Variants in LSAMP observed in about 807,000 individuals in gnomAD.
LSAMP encodes the protein limbic system associated membrane protein, also known as limbic system-associated membrane protein.
LSAMP carries 7 observed loss-of-function variants against 38.6 expected under a neutral mutation model. That is an observed-to-expected ratio of 0.18 (90% CI 0.10 to 0.34). The LOEUF (loss-of-function observed/expected upper bound fraction) is 0.34, where lower values mean the gene tolerates loss of function less well. LSAMP is among the 10% of genes least tolerant of loss of function. The pLI, the probability that LSAMP is intolerant of heterozygous loss-of-function variation, is 1.00. For missense variants in LSAMP, 313 were observed against 420.0 expected (o/e 0.75, Z 2.23); for synonymous variants, 154 against 166.8 (o/e 0.92, Z 0.59).
At chr3:115,914,787 T>C (rs1212635201) in intron 3 of LSAMP, among the ~76,000 whole-genome samples, 1 of 152,214 alleles carries the variant, frequency 6.6e-6, no homozygotes, top group East Asian at 1.9e-4. Flanking sequence ...CTACCTGTTG[T>C]GTCAGGAAGA....
chr3:116,206,154 T>G (rs1360612999), intron 1 of LSAMP, among the ~76,000 whole-genome samples: 4 of 150,120 alleles, frequency 2.7e-5, no homozygotes, highest in Non-Finnish European at 6.0e-5. Context: ...GTTGAGGAAT[T>G]TATCCATTTC....
chr3:116,120,292 G>T (rs992271185), intron 1 of LSAMP, among the ~76,000 whole-genome samples: 2 of 152,066 alleles, frequency 1.3e-5, no homozygotes, highest in East Asian at 1.9e-4. Context: ...AATTTACGGC[G>T]TAAGACATAA....
At chr3:116,071,711 T>G (rs763713677) in intron 2 of LSAMP, among the ~76,000 whole-genome samples, 41 of 152,158 alleles carry the variant, frequency 2.7e-4, no homozygotes, top group Non-Finnish European at 4.6e-4. Context: ...GGTATTAAGC[T>G]CAGCATCCAT....
chr3:116,247,711 A>G (rs2046622118), intron 1 of LSAMP, among the ~76,000 whole-genome samples: 1 of 152,224 alleles, frequency 6.6e-6, no homozygotes, highest in South Asian at 2.1e-4. Flanking sequence ...GGAACCAAGT[A>G]TGGAACTCAG....
intron 3 of LSAMP, among the ~76,000 whole-genome samples, chr3:115,950,798 CAAAAAAAAAAAAAAAA>C (rs56179163): frequency 6.9e-5 from 6 of 86,726 alleles, no homozygotes; most frequent in Non-Finnish European, 8.5e-5. Context: ...CAAGACTTAG[CAAAAAAAAAAAAAAAA>C]AAAAAAAAAA....
intron 1 of LSAMP, among the ~76,000 whole-genome samples, chr3:116,155,896 C>T (rs1709736043): frequency 6.6e-6 from 1 of 152,084 alleles, no homozygotes; most frequent in South Asian, 2.1e-4. Context: ...CCATGATGCC[C>T]ACAGTAATTG....
At chr3:116,092,089 T>G (rs577430659) in intron 1 of LSAMP, among the ~76,000 whole-genome samples, 65 of 152,136 alleles carry the variant, frequency 4.3e-4, no homozygotes, top group East Asian at 1.7e-3. Context: ...AAATACCATG[T>G]GCATAAATAC....
intron 1 of LSAMP, among the ~76,000 whole-genome samples, chr3:116,123,589 T>A (rs1708937218): frequency 6.6e-6 from 1 of 152,206 alleles, no homozygotes; most frequent in South Asian, 2.1e-4. Flanking sequence ...TTCCTTTACA[T>A]CTTTCATTAA....
rs1933632287 is a variant in LSAMP, at chr3:115,806,434, C to T, written c.*3883G>A. Reference sequence around the variant, plus strand: ...ATAGAAACAGTGAAACCACAACCAACTCAGGGATGGAATCTGCGACTCTGG... The same window carrying T: ...ATAGAAACAGTGAAACCACAACCAATTCAGGGATGGAATCTGCGACTCTGG... On this transcript the variant is annotated 3_prime_UTR_variant, in exon 7 of 7. Transcript: ENST00000490035. The T allele has an allele frequency of 6.6e-6, 1 of 152,132 alleles. No homozygotes were observed. The highest frequency in any genetic ancestry group is 6.5e-5 in the Admixed American group (1 of 15,268). The allele number at this position is 152,132 out of a possible 1,614,324, so 9.4% of individuals were successfully genotyped here.
intron 1 of LSAMP, among the ~76,000 whole-genome samples, chr3:116,087,867 A>C (rs1284194711): frequency 6.6e-6 from 1 of 152,026 alleles, no homozygotes; most frequent in Non-Finnish European, 1.5e-5. Flanking sequence ...TTAATTTTAA[A>C]CGAATTGTAT....
chr3:116,109,022 G>A (rs578141692), intron 1 of LSAMP, among the ~76,000 whole-genome samples: 1 of 152,178 alleles, frequency 6.6e-6, no homozygotes, highest in African/African-American at 2.4e-5. Flanking sequence ...GTAATAAAAT[G>A]TATATTGAGA....
intron 1 of LSAMP, among the ~76,000 whole-genome samples, chr3:116,430,628 A>G (rs987250445): frequency 4.6e-5 from 7 of 152,136 alleles, no homozygotes; most frequent in African/African-American, 1.7e-4. Flanking sequence ...ATATAATTAT[A>G]GATACTTCTA....
chr3:116,333,739 A>T (rs2047883818), intron 1 of LSAMP, among the ~76,000 whole-genome samples: 1 of 152,038 alleles, frequency 6.6e-6, no homozygotes. Flanking sequence ...AATACAATAC[A>T]TCAAAACATA....
chr3:116,423,766 C>T (rs1393964156), intron 1 of LSAMP, among the ~76,000 whole-genome samples: 1 of 152,086 alleles, frequency 6.6e-6, no homozygotes, highest in Non-Finnish European at 1.5e-5. Context: ...GAGAGAGAGA[C>T]CATCTTAATG....
intron 3 of LSAMP, among the ~76,000 whole-genome samples, chr3:115,995,487 TG>T: frequency 6.6e-6 from 1 of 152,232 alleles, no homozygotes; most frequent in East Asian, 1.9e-4. Flanking sequence ...AGACCACTAG[TG>T]CCTTCTCTGA....
intron 1 of LSAMP, among the ~76,000 whole-genome samples, chr3:116,215,206 T>G (rs1418266891): frequency 2.0e-5 from 3 of 152,204 alleles, no homozygotes; most frequent in African/African-American, 7.2e-5. Flanking sequence ...GTTGCTGAAG[T>G]GTGCTGTGGT....
chr3:115,837,655 A>T (rs1257274634), intron 6 of LSAMP, among the ~76,000 whole-genome samples: 1 of 152,178 alleles, frequency 6.6e-6, no homozygotes. Flanking sequence ...CGTTGAGTGA[A>T]AAAAGGAGAA....
intron 1 of LSAMP, among the ~76,000 whole-genome samples, chr3:116,239,410 A>T (rs932874857): frequency 1.3e-5 from 2 of 152,336 alleles, no homozygotes; most frequent in East Asian, 3.9e-4. Context: ...TTTAAAAAAA[A>T]AGAGAAAGTA....
intron 1 of LSAMP, among the ~76,000 whole-genome samples, chr3:116,127,053 T>C (rs1208956916): frequency 1.3e-5 from 2 of 152,232 alleles, no homozygotes; most frequent in African/African-American, 4.8e-5. Context: ...TTTATGTCTA[T>C]AAAATTCTCT....
Sources: gnomAD v4.1 joint callset for allele counts (sites outside exome capture counted in the v4.1 genomes callset) on GRCh38, gnomAD v4.1.1 for gene constraint, MANE v1.5 for transcripts, NCBI Gene and HGNC (gene_info 2026-07-23, HGNC 2026-07-21) for gene names.